PSD3: variants seen among roughly 807,000 people sequenced by gnomAD.
PSD3 encodes the protein pleckstrin and Sec7 domain containing 3.
A neutral mutation model predicts 105.5 loss-of-function variants in PSD3; 49 were observed. The ratio of observed to expected loss-of-function variants is 0.46; its 90% confidence interval spans 0.37 to 0.59. The LOEUF (loss-of-function observed/expected upper bound fraction) is 0.59, where lower values mean the gene tolerates loss of function less well. Ranked by LOEUF, PSD3 falls within the 20% of genes least tolerant of loss-of-function variation. The probability of loss-of-function intolerance (pLI) is 0.00; values close to 1 mark genes in which losing one functional copy is unlikely to be tolerated. For synonymous variants in PSD3, 557 were observed against 457.8 expected (o/e 1.22, Z -2.77); for missense variants, 1,561 against 1,263.8 (o/e 1.24, Z -3.57).
At chr8:18,755,053 G>A (rs1354701815) in intron 9 of PSD3, among the ~76,000 whole-genome samples, 1 of 152,076 alleles carries the variant, frequency 6.6e-6, no homozygotes, top group Non-Finnish European at 1.5e-5. Context: ...TTCATGATGT[G>A]ACCAGTTACA....
At chr8:18,546,108 C>G (rs1800435470) in intron 15 of PSD3, among the ~76,000 whole-genome samples, 1 of 152,178 alleles carries the variant, frequency 6.6e-6, no homozygotes, top group African/African-American at 2.4e-5. Context: ...TCACGCAATT[C>G]TCCTGCCTCA....
At chr8:18,817,297 G>A (rs1812295996) in intron 4 of PSD3, among the ~76,000 whole-genome samples, 1 of 152,158 alleles carries the variant, frequency 6.6e-6, no homozygotes, top group South Asian at 2.1e-4. Context: ...TTCGTGGGCT[G>A]TTTCGCAGTT....
chr8:18,844,471 C>T (rs1456866462), intron 4 of PSD3, among the ~76,000 whole-genome samples: 1 of 152,104 alleles, frequency 6.6e-6, no homozygotes, highest in Non-Finnish European at 1.5e-5. Flanking sequence ...TTAAAGTAGA[C>T]TTTATCTTGA....
At chr8:18,775,936 A>C (rs1479037100) in intron 8 of PSD3, among the ~76,000 whole-genome samples, 1 of 152,162 alleles carries the variant, frequency 6.6e-6, no homozygotes, top group East Asian at 1.9e-4. Flanking sequence ...CCACCATTGT[A>C]GTGTTTCCCC....
intron 15 of PSD3, among the ~76,000 whole-genome samples, chr8:18,554,371 T>G (rs1283724992): frequency 3.3e-5 from 5 of 152,248 alleles, no homozygotes; most frequent in African/African-American, 1.2e-4. Context: ...CCTAGTTTTT[T>G]GTTGTTGGTT....
Position 18,655,666 on chromosome 8 carries a change from T to A in PSD3, c.2192A>T (p.Lys731Met). 6.2e-7 allele frequency: 1 copy of A among 1,613,940 alleles called. No individual in the cohort carries two copies. The highest frequency in any genetic ancestry group is 8.5e-7 in the Non-Finnish European group (1 of 1,179,856). ...DLLKALYNSI[K>M]NEKLEWAVDD... ...CACTGCCCATTCAAGCTTCTCATTC[T>A]TGATTGAGTTGTACAGAGCCTGTAA... is the stretch of plus-strand genomic sequence containing the variant. The change falls in exon 10 of 16, where the codon AAG (lysine) becomes ATG (methionine). Residue 731 changes from lysine (K) to methionine (M), a missense_variant. Coordinates refer to ENST00000327040, the MANE Select transcript of PSD3 (RefSeq NM_015310.4).
chr8:19,064,732 G>C (rs1302223328), intron 1 of PSD3, among the ~76,000 whole-genome samples: 1 of 152,088 alleles, frequency 6.6e-6, no homozygotes, highest in African/African-American at 2.4e-5. Flanking sequence ...TCATTATTTG[G>C]TCTAAACATG....
At chr8:18,628,606 G>A (rs1314289359) in intron 11 of PSD3, among the ~76,000 whole-genome samples, 1 of 151,876 alleles carries the variant, frequency 6.6e-6, no homozygotes, top group Non-Finnish European at 1.5e-5. Flanking sequence ...TCTGCTTAAA[G>A]CAAAAATATT....
intron 2 of PSD3, among the ~76,000 whole-genome samples, chr8:18,920,641 T>C (rs1820948304): frequency 6.6e-6 from 1 of 152,154 alleles, no homozygotes; most frequent in South Asian, 2.1e-4. Context: ...TATTGACATA[T>C]CCTAAGGCCG....
intron 8 of PSD3, among the ~76,000 whole-genome samples, chr8:18,791,218 A>C (rs930424574): frequency 1.3e-5 from 2 of 152,186 alleles, no homozygotes; most frequent in African/African-American, 4.8e-5. Flanking sequence ...ATTTAATTAG[A>C]AAAAAACTAT....
At chr8:18,627,730 AC>A (rs1806598748) in intron 11 of PSD3, among the ~76,000 whole-genome samples, 1 of 151,982 alleles carries the variant, frequency 6.6e-6, no homozygotes, top group Non-Finnish European at 1.5e-5. Context: ...TTAGATGAAT[AC>A]AACTAAAAGT....
At chr8:18,658,862 A>G (rs1809098192) in intron 9 of PSD3, among the ~76,000 whole-genome samples, 1 of 152,026 alleles carries the variant, frequency 6.6e-6, no homozygotes, top group African/African-American at 2.4e-5. Context: ...CTCTCATCTC[A>G]ATTCGCCTCT....
chr8:18,879,878 G>A (rs540642930), intron 2 of PSD3, among the ~76,000 whole-genome samples: 9 of 152,044 alleles, frequency 5.9e-5, no homozygotes, highest in Admixed American at 1.3e-4. Context: ...GGATTACGGC[G>A]TGAACTAACG....
intron 4 of PSD3, among the ~76,000 whole-genome samples, chr8:18,811,997 T>C (rs1021188756): frequency 5.9e-5 from 9 of 152,242 alleles, no homozygotes; most frequent in Non-Finnish European, 1.2e-4. Context: ...ATCATTTTTA[T>C]TATTAAATAA....
chr8:18,990,028 G>A (rs1253852863), intron 1 of PSD3, among the ~76,000 whole-genome samples: 4 of 140,422 alleles, frequency 2.8e-5, no homozygotes, highest in Non-Finnish European at 6.3e-5. Flanking sequence ...CAATCATCAG[G>A]TTCTGTTGAT....
At chr8:18,631,748 G>C (rs1806914737) in intron 11 of PSD3, among the ~76,000 whole-genome samples, 1 of 151,884 alleles carries the variant, frequency 6.6e-6, no homozygotes, top group Non-Finnish European at 1.5e-5. Flanking sequence ...AATTTGTTCA[G>C]CATTGCTAAG....
chr8:18,981,104 A>G (rs1825230117), intron 1 of PSD3, among the ~76,000 whole-genome samples: 1 of 152,114 alleles, frequency 6.6e-6, no homozygotes, highest in African/African-American at 2.4e-5. Context: ...CCTCCTAGAC[A>G]TTAAGTTAAA....
chr8:18,655,608 T>C, intron 10 of PSD3, 34 bp downstream of exon 10: 1 of 1,603,006 alleles, frequency 6.2e-7, no homozygotes, highest in Non-Finnish European at 8.5e-7. Flanking sequence ...AGTGAGTAGT[T>C]CATTATTAAA....
At chr8:19,042,381 CT>C (rs1459730860) in intron 1 of PSD3, among the ~76,000 whole-genome samples, 1 of 152,102 alleles carries the variant, frequency 6.6e-6, no homozygotes, top group Non-Finnish European at 1.5e-5. Flanking sequence ...TCCAAGCAAA[CT>C]CAGGCACACG....
Sources: allele counts gnomAD v4.1 joint callset (sites outside exome capture counted in the v4.1 genomes callset), GRCh38; gene constraint gnomAD v4.1.1; transcripts MANE v1.5; gene names NCBI Gene and HGNC (gene_info 2026-07-23, HGNC 2026-07-21).